The following PLEKHO2 variants were observed in gnomAD, a reference collection of about 807,000 sequenced individuals.
PLEKHO2 encodes pleckstrin homology domain containing O2.
Under a neutral mutation model 32.7 loss-of-function variants are expected in PLEKHO2, and 20 were observed. The observed-to-expected ratio is 0.61, with a 90% CI of 0.43 to 0.89. The LOEUF is 0.89. Ranked by LOEUF, PLEKHO2 falls within the 40% of genes least tolerant of loss-of-function variation. The probability of loss-of-function intolerance (pLI) is 0.00; values close to 1 mark genes in which losing one functional copy is unlikely to be tolerated. For missense variants in PLEKHO2, 568 were observed against 621.2 expected, an observed-to-expected ratio of 0.91 and a Z score of 0.91; for synonymous variants, 247 against 246.3, an observed-to-expected ratio of 1.00 and a Z score of -0.03.
At chr15:64,862,095 C>CGGGAGGGTTTGA (rs2084645366) in intron 5 of PLEKHO2, among the ~76,000 whole-genome samples, 2 of 151,810 alleles carry the variant, frequency 1.3e-5, no homozygotes, top group African/African-American at 2.4e-5. Flanking sequence ...TGAGGCACAG[C>CGGGAGGGTTTGA]GGGAGGGTTT....
At chr15:64,863,971 G>A (rs1437456588) in intron 5 of PLEKHO2, among the ~76,000 whole-genome samples, 1 of 152,092 alleles carries the variant, frequency 6.6e-6, no homozygotes, top group Admixed American at 6.5e-5. Flanking sequence ...TCAAACTCTC[G>A]ACCTCAGGTG....
At chr15:64,847,065 G>GTC (rs1294665964) in intron 1 of PLEKHO2, among the ~76,000 whole-genome samples, 1 of 152,238 alleles carries the variant, frequency 6.6e-6, no homozygotes, top group Admixed American at 6.5e-5. Context: ...GCTCAGAGAG[G>GTC]TTAAGTGGTT....
Position 64,849,696 on chromosome 15 carries a change from G to A in PLEKHO2, c.162+954G>A, listed in dbSNP as rs181556626. 6.5e-4 allele frequency among the ~76,000 whole-genome samples: 97 copies of A among 150,380 alleles called. 1 individual carries two copies. Among genetic ancestry groups the A allele is most frequent in the Admixed American group, 3.9e-3 (58 of 15,016 alleles). The stretch of plus-strand genomic sequence containing the variant: ...GACCTCAGGTGATCCACCCACCTCC[G>A]CCTCCCAAAGTGCTGGGATTACAGG... On this transcript the variant is annotated intron_variant, in intron 2 of 5. Transcript: ENST00000323544.
At chr15:64,864,795 C>A (rs2084669100) in intron 5 of PLEKHO2, 104 bp from the exon 6 acceptor site, 1 of 1,318,628 alleles carries the variant, frequency 7.6e-7, no homozygotes, top group African/African-American at 1.5e-5. Context: ...AGCTGGGGGC[C>A]TGGACAACCT....
Position 64,848,839 on chromosome 15 carries a change from G to A in PLEKHO2, c.162+97G>A, listed in dbSNP as rs2084543572. On this transcript the variant is annotated intron_variant, in intron 2 of 5. Coordinates refer to ENST00000323544, the MANE Select transcript of PLEKHO2 (RefSeq NM_025201.5). Reference sequence around the variant, plus strand: ...GAGGACCCTGGGTCTGGGGCCAGAAGACCTGCTCTACTTTTGCCATGCTGT... The same window carrying A: ...GAGGACCCTGGGTCTGGGGCCAGAAAACCTGCTCTACTTTTGCCATGCTGT... 5.0e-5 allele frequency: 74 copies of A among 1,492,990 alleles called. 1 individual carries two copies. The South Asian group carries it at 8.5e-4, about 17-fold the overall frequency. The allele number at this position is 1,492,990 out of a possible 1,614,324, so 92.5% of individuals were successfully genotyped here.
chr15:64,860,862 G>C (rs1022902431), intron 4 of PLEKHO2, among the ~76,000 whole-genome samples: 2 of 152,242 alleles, frequency 1.3e-5, no homozygotes, highest in African/African-American at 4.8e-5. Flanking sequence ...GAGGGACAGA[G>C]GGACAGAGAC....
chr15:64,865,086 C>A lies in PLEKHO2; in HGVS notation c.671C>A (p.Thr224Asn), dbSNP rs1270937079. Residue 224 changes from threonine to asparagine, a missense_variant, in exon 6 of 6, where the codon ACC (threonine) becomes AAC (asparagine). Coordinates refer to ENST00000323544, the MANE Select transcript of PLEKHO2 (RefSeq NM_025201.5). ...ETTSPGDRVE[T>N]PVGERAPTPV... ...ACCAGCCCTGGTGACAGGGTGGAGA[C>A]CCCTGTGGGGGAGAGAGCCCCAACC... 3.1e-6 allele frequency: 5 copies of A among 1,614,114 alleles called. No individual in the cohort carries two copies. The highest frequency in any genetic ancestry group is 2.2e-5 in the East Asian group (1 of 44,882).
intron 3 of PLEKHO2, among the ~76,000 whole-genome samples, chr15:64,857,754 G>A (rs972268380): frequency 2.6e-5 from 4 of 152,158 alleles, no homozygotes; most frequent in Non-Finnish European, 4.4e-5. Flanking sequence ...GAAGAGAGCC[G>A]AGGCAGCCTG....
intron 1 of PLEKHO2, among the ~76,000 whole-genome samples, chr15:64,845,022 A>G (rs2084512683): frequency 6.6e-6 from 1 of 152,204 alleles, no homozygotes; most frequent in Admixed American, 6.5e-5. Context: ...GCCCCGGCAC[A>G]GGACTCTGAC....
rs115910247 is a variant in PLEKHO2 at position 64,847,807 on chromosome 15, G to A, written c.13-786G>A. ...GGCCACCCTAAGGTCCTTGCCTGGA[G>A]TGGGGAGGAGGGGAGAGGAGCCTCC... is the stretch of plus-strand genomic sequence containing the variant. On this transcript the variant is annotated intron_variant, in intron 1 of 5. Transcript: ENST00000323544. Among the ~76,000 whole-genome samples the A allele has an allele frequency of 7.5e-3, 1,135 of 152,346 alleles. 18 individuals are homozygous for A. The highest frequency in any genetic ancestry group is 0.026 in the African/African-American group (1,075 of 41,588).
At chr15:64,844,420 A>G (rs1283288473) in intron 1 of PLEKHO2, among the ~76,000 whole-genome samples, 1 of 152,222 alleles carries the variant, frequency 6.6e-6, no homozygotes, top group Non-Finnish European at 1.5e-5. Flanking sequence ...TGTATATTCA[A>G]AAGCTGAGAA....
rs774110511 is a variant in PLEKHO2 at position 64,865,526 on chromosome 15, ACAT to A, written c.1113_1115del (p.Ser372del). 1.5e-5 allele frequency: 25 copies of A among 1,613,980 alleles called. No homozygotes were observed. Among genetic ancestry groups the A allele is most frequent in the Non-Finnish European group, 1.9e-5 (23 of 1,180,008 alleles). Reference sequence around the variant, plus strand: ...AGGAACTCCTCCAAAGGATGCAACAACATCCACAGCACTGCCCCCCTGGGACCT... The same window carrying A: ...AGGAACTCCTCCAAAGGATGCAACAACCACAGCACTGCCCCCCTGGGACCT... On this transcript the variant is annotated inframe_deletion, in exon 6 of 6. Transcript: ENST00000323544.
At chr15:64,844,849 C>CAGAGAGCTAGGA (rs1269069898) in intron 1 of PLEKHO2, among the ~76,000 whole-genome samples, 1 of 152,180 alleles carries the variant, frequency 6.6e-6, no homozygotes, top group African/African-American at 2.4e-5. Flanking sequence ...ACCGGTGCAT[C>CAGAGAGCTAGGA]CCTCTGGTTA....
intron 1 of PLEKHO2, among the ~76,000 whole-genome samples, chr15:64,846,338 G>A (rs1015223096): frequency 5.9e-5 from 9 of 151,538 alleles, no homozygotes; most frequent in Admixed American, 5.3e-4. Flanking sequence ...TCGGAGACAG[G>A]GCCTCATCCT....
chr15:64,843,745 T>A (rs2084503268), intron 1 of PLEKHO2, among the ~76,000 whole-genome samples: 1 of 152,056 alleles, frequency 6.6e-6, no homozygotes, highest in Admixed American at 6.6e-5. Flanking sequence ...CACGCCTGGC[T>A]AATTTTGTAT....
chr15:64,844,529 T>C (rs1468464196), intron 1 of PLEKHO2, among the ~76,000 whole-genome samples: 1 of 152,244 alleles, frequency 6.6e-6, no homozygotes, highest in Non-Finnish European at 1.5e-5. Flanking sequence ...CTCTGTCCTC[T>C]GCCAGCAGTC....
At chr15:64,857,923 T>C (rs766927293) in intron 3 of PLEKHO2, among the ~76,000 whole-genome samples, 12 of 152,198 alleles carry the variant, frequency 7.9e-5, no homozygotes, top group Non-Finnish European at 1.3e-4. Flanking sequence ...TTCCATTGGC[T>C]CCTGAGTTCA....
chr15:64,848,975 A>G (rs972469202), intron 2 of PLEKHO2, among the ~76,000 whole-genome samples: 3 of 151,726 alleles, frequency 2.0e-5, no homozygotes, highest in Non-Finnish European at 2.9e-5. Context: ...ATTTTTTTAA[A>G]CTTAATTCTT....
chr15:64,853,032 G>C (rs963389696), intron 2 of PLEKHO2, among the ~76,000 whole-genome samples: 1 of 150,706 alleles, frequency 6.6e-6, no homozygotes, highest in Non-Finnish European at 1.5e-5. Flanking sequence ...CCAGCTACTC[G>C]GGGGGCTGAG....
Sources: allele counts gnomAD v4.1 joint callset (sites outside exome capture counted in the v4.1 genomes callset), GRCh38; gene constraint gnomAD v4.1.1; transcripts MANE v1.5; gene names NCBI Gene and HGNC (gene_info 2026-07-23, HGNC 2026-07-21).